Variants in FAM178B observed in about 807,000 individuals in gnomAD.
FAM178B encodes the protein protein FAM178B.
A neutral mutation model predicts 91.7 loss-of-function variants in FAM178B; 82 were observed. The ratio of observed to expected loss-of-function variants is 0.89; its 90% CI spans 0.75 to 1.07. The LOEUF is 1.07. Ranked by LOEUF, FAM178B falls within the 50% of genes least tolerant of loss-of-function variation. The pLI is 0.00. For synonymous variants in FAM178B, 368 were observed against 359.4 expected (o/e 1.02, Z -0.27); for missense variants, 769 against 846.7 (o/e 0.91, Z 1.14).
intron 6 of FAM178B, among the ~76,000 whole-genome samples, chr2:96,959,199 G>GAAAAAAAAAAAAAAAA (rs57498168): frequency 6.1e-5 from 5 of 82,122 alleles, no homozygotes; most frequent in African/African-American, 1.6e-4. Flanking sequence ...ACTCAGTTTT[G>GAAAAAAAAAAAAAAAA]AAAAAAAAAA....
At chr2:96,883,080 C>A (rs1429078369) in intron 14 of FAM178B, among the ~76,000 whole-genome samples, 1 of 152,220 alleles carries the variant, frequency 6.6e-6, no homozygotes, top group Non-Finnish European at 1.5e-5. Context: ...CTACAGCCTT[C>A]AAGGGGGCCG....
chr2:96,882,088 TC>T (rs1358431398), intron 14 of FAM178B, among the ~76,000 whole-genome samples: 1 of 152,134 alleles, frequency 6.6e-6, no homozygotes, highest in African/African-American at 2.4e-5. Context: ...CACCCACACT[TC>T]CATCTCCTCC....
intron 14 of FAM178B, among the ~76,000 whole-genome samples, chr2:96,890,869 C>T (rs1011404707): frequency 6.6e-6 from 1 of 152,146 alleles, no homozygotes; most frequent in Non-Finnish European, 1.5e-5. Context: ...ATGGCTGTAC[C>T]AGACCCCCAA....
At chr2:96,895,595 T>C (rs2080806378) in intron 13 of FAM178B, among the ~76,000 whole-genome samples, 1 of 152,198 alleles carries the variant, frequency 6.6e-6, no homozygotes, top group South Asian at 2.1e-4. Context: ...AGCTAACTCT[T>C]GGCTGGGGCA....
chr2:96,972,240 G>C lies in FAM178B; in HGVS notation c.225C>G (p.Pro75=). The change falls in exon 3 of 17, where the codon CCC becomes CCG. Residue 75 remains proline (P), a synonymous_variant. Transcript: ENST00000490605. ...GLSDHPLDQG[P]RCPARRPCSP... is the part of the protein sequence containing the mutation. ...TGCAGGGCCGCCGGGCAGGGCAGCGGGGCCCCTGGTCCAGGGGATGGTCTG... is the reference window on the plus strand; with the variant it reads ...TGCAGGGCCGCCGGGCAGGGCAGCGCGGCCCCTGGTCCAGGGGATGGTCTG... 1 of 1,524,474 alleles carries C rather than the reference G, an allele frequency of 6.6e-7. No homozygotes were observed. The highest frequency in any genetic ancestry group is 8.8e-7 in the Non-Finnish European group (1 of 1,135,900). 94.4% of individuals were successfully genotyped at this position (1,524,474 alleles called of 1,614,324 possible).
chr2:96,962,306 G>A (rs1025079448), intron 5 of FAM178B, among the ~76,000 whole-genome samples: 1 of 151,750 alleles, frequency 6.6e-6, no homozygotes, highest in Admixed American at 6.6e-5. Context: ...CATCTCAAAG[G>A]GAAGAAAATA....
At chr2:96,946,408 T>C (rs1481932376) in intron 8 of FAM178B, among the ~76,000 whole-genome samples, 3 of 152,162 alleles carry the variant, frequency 2.0e-5, no homozygotes, top group African/African-American at 4.8e-5. Context: ...CTGCATTCAG[T>C]TCTCTAATGG....
chr2:96,920,436 C>T (rs1182062845), intron 12 of FAM178B, among the ~76,000 whole-genome samples: 1 of 152,110 alleles, frequency 6.6e-6, no homozygotes, highest in Non-Finnish European at 1.5e-5. Context: ...CCTGTCTCCA[C>T]TAAAAATATA....
chr2:96,876,128 CG>C lies in FAM178B; in HGVS notation c.*147del. The C allele has an allele frequency of 1.3e-6, 1 of 746,614 alleles. No homozygotes were observed. Among genetic ancestry groups the C allele is most frequent in the Admixed American group, 2.5e-5 (1 of 39,896 alleles). The allele number at this position is 746,614 out of a possible 1,614,324, so 46.2% of individuals were successfully genotyped here. ...AGGCTCTTGCAGAGAGGAGAGGGGT[CG>C]GGGCGGTGGCAGGGGCAGGCTCTTG... is the stretch of plus-strand genomic sequence containing the variant. On this transcript the variant is annotated 3_prime_UTR_variant, in exon 17 of 17. Coordinates refer to ENST00000490605, the MANE Select transcript of FAM178B (RefSeq NM_001122646.3).
chr2:96,927,417 C>T (rs539677924), intron 9 of FAM178B, among the ~76,000 whole-genome samples: 11 of 152,254 alleles, frequency 7.2e-5, no homozygotes, highest in South Asian at 2.1e-4. Flanking sequence ...ATGGTGTCAA[C>T]GCCAGGCCAA....
At chr2:96,933,451 G>A (rs1268125691) in intron 8 of FAM178B, among the ~76,000 whole-genome samples, 1 of 152,146 alleles carries the variant, frequency 6.6e-6, no homozygotes, top group Non-Finnish European at 1.5e-5. Flanking sequence ...TGTCGTGGAA[G>A]AAGCTGTTAA....
chr2:96,909,900 G>C (rs947015030), intron 12 of FAM178B, among the ~76,000 whole-genome samples: 4 of 152,124 alleles, frequency 2.6e-5, no homozygotes, highest in Non-Finnish European at 4.4e-5. Flanking sequence ...GACAGAACTC[G>C]GGGTGGTGAC....
intron 14 of FAM178B, among the ~76,000 whole-genome samples, chr2:96,892,397 A>G (rs900012180): frequency 1.3e-5 from 2 of 152,210 alleles, no homozygotes. Flanking sequence ...GCCCTGGACC[A>G]GTGCACCCTA....
rs1170347958 is a variant in FAM178B, at chr2:96,972,524, T to G, written c.142+14A>C. ...CTCAGTGGGGATTTACCTGTGCAGG[T>G]GAGAGACGCCTACCTTCTCTCAGAG... On this transcript the variant is annotated intron_variant, in intron 2 of 16. Transcript: ENST00000490605. 7 of 1,551,464 alleles carry G rather than the reference T, an allele frequency of 4.5e-6. No homozygotes were observed. Among genetic ancestry groups the G allele is most frequent in the South Asian group, 1.2e-5 (1 of 84,064 alleles).
intron 8 of FAM178B, among the ~76,000 whole-genome samples, chr2:96,946,880 CA>C (rs1276572409): frequency 6.6e-6 from 1 of 152,208 alleles, no homozygotes; most frequent in African/African-American, 2.4e-5. Flanking sequence ...CCATGGAGGG[CA>C]GGGGCGGAGG....
intron 14 of FAM178B, among the ~76,000 whole-genome samples, chr2:96,884,072 T>C (rs2080456984): frequency 6.6e-6 from 1 of 152,126 alleles, no homozygotes; most frequent in South Asian, 2.1e-4. Context: ...AGGCTGGGGC[T>C]GGGCCACAAT....
chr2:96,927,891 T>C (rs1484151868), intron 9 of FAM178B, among the ~76,000 whole-genome samples: 1 of 152,202 alleles, frequency 6.6e-6, no homozygotes, highest in Non-Finnish European at 1.5e-5. Context: ...CATTTGTCTT[T>C]CTGAGTGTAA....
intron 8 of FAM178B, among the ~76,000 whole-genome samples, chr2:96,934,395 G>A (rs1574271108): frequency 6.6e-6 from 1 of 152,148 alleles, no homozygotes; most frequent in East Asian, 1.9e-4. Flanking sequence ...GAGGCAGATG[G>A]GGGCGAGAGA....
In FAM178B at chr2:96,986,429, A is replaced by C; in HGVS notation, c.-116T>G. On this transcript the variant is annotated 5_prime_UTR_variant, in exon 1 of 17. Coordinates refer to ENST00000490605, the MANE Select transcript of FAM178B (RefSeq NM_001122646.3). The stretch of plus-strand genomic sequence containing the variant: ...CAGGAGCAGGCTCCCCAGGCGGCGC[A>C]GTGGGAGGACCCCAAGAGTTGCGTC... 7.8e-7 allele frequency: 1 copy of C among 1,278,252 alleles called. No homozygotes were observed. The highest frequency in any genetic ancestry group is 1.1e-6 in the Non-Finnish European group (1 of 952,358). The allele number at this position is 1,278,252 out of a possible 1,614,324, so 79.2% of individuals were successfully genotyped here. A position where few individuals can be genotyped will look rare whatever the true frequency, so the allele number is the denominator to read the frequency against.
Sources: allele counts gnomAD v4.1 joint callset (sites outside exome capture counted in the v4.1 genomes callset), GRCh38; gene constraint gnomAD v4.1.1; transcripts MANE v1.5; gene names NCBI Gene and HGNC (gene_info 2026-07-23, HGNC 2026-07-21).